FRAS1: variants seen among roughly 807,000 people sequenced by gnomAD.
FRAS1 encodes the protein extracellular matrix organizing protein FRAS1.
A neutral mutation model predicts 435.2 loss-of-function variants in FRAS1; 290 were observed. The ratio of observed to expected loss-of-function variants is 0.67; its 90% confidence interval spans 0.61 to 0.73. The LOEUF (loss-of-function observed/expected upper bound fraction) is 0.73, where lower values mean the gene tolerates loss of function less well. Ranked by LOEUF, FRAS1 falls within the 30% of genes least tolerant of loss-of-function variation. FRAS1 has a pLI of 0.00. For missense variants in FRAS1, 4,860 were observed against 5,001.5 expected, an observed-to-expected ratio of 0.97 and a Z score of 0.85; for synonymous variants, 1,800 against 1,851.0, an observed-to-expected ratio of 0.97 and a Z score of 0.71.
intron 66 of FRAS1, among the ~76,000 whole-genome samples, chr4:78,516,324 A>G (rs1721215800): frequency 1.3e-5 from 2 of 152,230 alleles, no homozygotes; most frequent in Non-Finnish European, 2.9e-5. Flanking sequence ...GGAAAGCCAA[A>G]AATATTTACA....
chr4:78,333,332 G>A lies in FRAS1; in HGVS notation c.2198G>A (p.Gly733Glu). Residue 733 changes from glycine (G) to glutamate (E), a missense_variant, in exon 19 of 74, where the codon GGG (glycine) becomes GAG (glutamate). Gly to Glu is a moderately conservative substitution (Grantham distance 98, BLOSUM62 -2). Coordinates refer to ENST00000512123, the MANE Select transcript of FRAS1 (RefSeq NM_025074.7). ...AGCCCACATAACTGCACAGACTGTGGGCCTTCCCATGTGCTGTTGGATGGG... is the reference window on the plus strand; with the variant it reads ...AGCCCACATAACTGCACAGACTGTGAGCCTTCCCATGTGCTGTTGGATGGG... ...GKSPHNCTDCGPSHVLLDGQC... is the reference protein window; with the variant it reads ...GKSPHNCTDCEPSHVLLDGQC... 6.2e-7 allele frequency: 1 copy of A among 1,612,540 alleles called. No homozygotes were observed. Among genetic ancestry groups the A allele is most frequent in the South Asian group, 1.1e-5 (1 of 90,554 alleles).
At chr4:78,133,606 G>A (rs550316597) in intron 2 of FRAS1, among the ~76,000 whole-genome samples, 2 of 152,212 alleles carry the variant, frequency 1.3e-5, no homozygotes, top group Non-Finnish European at 2.9e-5. Context: ...CACATTGCCT[G>A]CCTGTATCAA....
rs1173329416 is a variant in FRAS1, at chr4:78,085,175, C to T, written c.108+19159C>T. On this transcript the variant is annotated intron_variant, in intron 2 of 73. Coordinates refer to ENST00000512123, the MANE Select transcript of FRAS1 (RefSeq NM_025074.7). Reference sequence around the variant, plus strand: ...TGTTTTAAGGTCACTTGAAATGATTCTTTTCTATGTGATTAATTCTGTTGT... The same window carrying T: ...TGTTTTAAGGTCACTTGAAATGATTTTTTTCTATGTGATTAATTCTGTTGT... 3.9e-5 allele frequency among the ~76,000 whole-genome samples: 6 copies of T among 152,082 alleles called. No homozygotes were observed. The East Asian group carries it at 9.7e-4, about 24-fold the overall frequency.
At position 78,445,668 on chromosome 4, in the gene FRAS1, G is replaced by A. The variant is rs747971274; in HGVS notation, c.5812G>A (p.Gly1938Arg). The change falls in exon 42 of 74, where the codon GGA becomes AGA. Residue 1938 changes from glycine to arginine, a missense_variant. Transcript: ENST00000512123. ...HDIFSFYVSDGTSRSEIHSIN... is the reference protein window; with the variant it reads ...HDIFSFYVSDRTSRSEIHSIN... ...TATTTTTAGTTTTTATGTGAGTGATGGAACCAGTCGTTCAGAAATTCACAG... is the reference window on the plus strand; with the variant it reads ...TATTTTTAGTTTTTATGTGAGTGATAGAACCAGTCGTTCAGAAATTCACAG... The A allele has an allele frequency of 6.2e-7, 1 of 1,613,836 alleles. No homozygotes were observed. The highest frequency in any genetic ancestry group is 1.1e-5 in the South Asian group (1 of 91,064).
chr4:78,127,787 T>G (rs928987967), intron 2 of FRAS1, among the ~76,000 whole-genome samples: 1 of 152,118 alleles, frequency 6.6e-6, no homozygotes, highest in Non-Finnish European at 1.5e-5. Flanking sequence ...TTAGGGTACA[T>G]GTGCGCAACG....
chr4:78,069,898 GTTCTTA>G (rs1740248680), intron 2 of FRAS1, among the ~76,000 whole-genome samples: 1 of 151,850 alleles, frequency 6.6e-6, no homozygotes, highest in Non-Finnish European at 1.5e-5. Flanking sequence ...TTCAAACCTG[GTTCTTA>G]TTCTTAAGTC....
intron 2 of FRAS1, among the ~76,000 whole-genome samples, chr4:78,153,680 T>A (rs1720767712): frequency 6.6e-6 from 1 of 152,110 alleles, no homozygotes; most frequent in Non-Finnish European, 1.5e-5. Flanking sequence ...AAAGGCAGAG[T>A]AAAGCAATCC....
chr4:78,522,800 T>C lies in FRAS1; in HGVS notation c.10800T>C (p.Ser3600=). 6.2e-7 allele frequency: 1 copy of C among 1,608,854 alleles called. No individual in the cohort carries two copies. Among genetic ancestry groups the C allele is most frequent in the Non-Finnish European group, 8.5e-7 (1 of 1,177,836 alleles). ...SPHQLWRATS[S]YNRKDYSGEY... The stretch of plus-strand genomic sequence containing the variant: ...ATCAACTCTGGAGAGCCACAAGCTC[T>C]TATAACAGGTAAATACAGTGATGGA... Residue 3600 remains serine (S), a synonymous_variant, in exon 69 of 74, where the codon TCT becomes TCC. Coordinates refer to ENST00000512123, the MANE Select transcript of FRAS1 (RefSeq NM_025074.7).
intron 30 of FRAS1, among the ~76,000 whole-genome samples, chr4:78,405,674 A>G (rs1032365436): frequency 1.3e-5 from 2 of 152,216 alleles, no homozygotes; most frequent in Admixed American, 6.5e-5. Context: ...TGTCTAGTGT[A>G]TTAAGATTCG....
At chr4:78,124,738 C>G (rs1319043356) in intron 2 of FRAS1, among the ~76,000 whole-genome samples, 2 of 152,114 alleles carry the variant, frequency 1.3e-5, no homozygotes, top group Non-Finnish European at 2.9e-5. Flanking sequence ...TCCATTTCTT[C>G]TAGATTTTCT....
intron 18 of FRAS1, among the ~76,000 whole-genome samples, chr4:78,323,534 A>G (rs1350363221): frequency 2.0e-5 from 3 of 152,202 alleles, no homozygotes; most frequent in African/African-American, 7.2e-5. Context: ...TTACTTTTTT[A>G]TCAGTCTTCC....
chr4:78,169,097 T>C (rs1333921436), intron 2 of FRAS1, among the ~76,000 whole-genome samples: 1 of 152,036 alleles, frequency 6.6e-6, no homozygotes, highest in African/African-American at 2.4e-5. Flanking sequence ...GAGTTGTAAA[T>C]TGCAGGCTGC....
intron 40 of FRAS1, among the ~76,000 whole-genome samples, chr4:78,439,455 A>G (rs1002309091): frequency 6.6e-5 from 10 of 152,200 alleles, no homozygotes; most frequent in African/African-American, 2.4e-4. Flanking sequence ...ACTGTAAACA[A>G]TATTGACGGT....
chr4:78,411,286 A>G (rs1475655828), intron 31 of FRAS1, among the ~76,000 whole-genome samples: 3 of 151,716 alleles, frequency 2.0e-5, no homozygotes, highest in Non-Finnish European at 4.4e-5. Flanking sequence ...AATTTTTTGT[A>G]TTTTTAGTAG....
intron 50 of FRAS1, among the ~76,000 whole-genome samples, chr4:78,467,896 C>A (rs779684269): frequency 6.6e-6 from 1 of 152,142 alleles, no homozygotes; most frequent in Non-Finnish European, 1.5e-5. Context: ...CTATTCAAAT[C>A]TTTTGCCCAA....
At chr4:78,395,321 A>C (rs890175687) in intron 29 of FRAS1, among the ~76,000 whole-genome samples, 3 of 152,018 alleles carry the variant, frequency 2.0e-5, no homozygotes, top group Non-Finnish European at 4.4e-5. Flanking sequence ...GCTGGAGAAG[A>C]ATATGAATTC....
chr4:78,380,128 C>T (rs1731956856), intron 27 of FRAS1, 132 bp downstream of exon 27: 1 of 935,944 alleles, frequency 1.1e-6, no homozygotes. Flanking sequence ...CTCCACAAGC[C>T]CAAATACTCT....
At chr4:78,072,293 A>C (rs530497739) in intron 2 of FRAS1, among the ~76,000 whole-genome samples, 2 of 152,182 alleles carry the variant, frequency 1.3e-5, no homozygotes, top group African/African-American at 2.4e-5. Context: ...GAGTCTTTTT[A>C]AAAATTGGTG....
At chr4:78,073,990 T>C (rs190456951) in intron 2 of FRAS1, among the ~76,000 whole-genome samples, 3 of 152,170 alleles carry the variant, frequency 2.0e-5, no homozygotes, top group African/African-American at 7.2e-5. Flanking sequence ...ATAAGCTAAA[T>C]GAAAGGAAGA....
Sources: allele counts gnomAD v4.1 joint callset (sites outside exome capture counted in the v4.1 genomes callset), GRCh38; gene constraint gnomAD v4.1.1; transcripts MANE v1.5; gene names NCBI Gene and HGNC (gene_info 2026-07-23, HGNC 2026-07-21).